The following SH3BP2 variants were observed in gnomAD, a reference collection of about 807,000 sequenced individuals.
The protein encoded by SH3BP2 is SH3 domain-binding protein 2.
Under a neutral mutation model 56.2 loss-of-function variants are expected in SH3BP2, and 38 were observed. That is an observed-to-expected ratio of 0.68 (90% CI 0.52 to 0.89). The LOEUF (loss-of-function observed/expected upper bound fraction) is 0.89, where lower values mean the gene tolerates loss of function less well. Ranked by LOEUF, SH3BP2 falls within the 40% of genes least tolerant of loss-of-function variation. The probability of loss-of-function intolerance (pLI) is 0.00; values close to 1 mark genes in which losing one functional copy is unlikely to be tolerated. For synonymous variants in SH3BP2, 346 were observed against 316.7 expected (o/e 1.09, Z -0.98); for missense variants, 748 against 762.6 (o/e 0.98, Z 0.23).
At chr4:2,818,139 G>A in intron 1 of SH3BP2, 1 of 834,444 alleles carries the variant, frequency 1.2e-6, no homozygotes, top group Non-Finnish European at 1.4e-6. Flanking sequence ...GGGGCCGGGA[G>A]GGGCGCGCCG....
rs62620003 is a variant in SH3BP2, at chr4:2,824,745, G to A, written c.357+15G>A. 20 of 1,573,392 alleles carry A rather than the reference G, an allele frequency of 1.3e-5. No homozygotes were observed. Among genetic ancestry groups the A allele is most frequent in the Non-Finnish European group, 1.7e-5 (19 of 1,143,824 alleles). ...AGGAGCGCAAGGTGACTGGGGGTCC[G>A]AGGACGAGTGCAAGGTGACTGGGGG... On this transcript the variant is annotated intron_variant, in intron 4 of 12. Transcript: ENST00000503393.
chr4:2,814,452 C>G (rs1004616077), intron 1 of SH3BP2, among the ~76,000 whole-genome samples: 18 of 152,274 alleles, frequency 1.2e-4, no homozygotes, highest in Admixed American at 3.3e-4. Context: ...GAAACAGAGA[C>G]CTGGAGAGTG....
chr4:2,801,684 C>T (rs1393108696), intron 1 of SH3BP2, among the ~76,000 whole-genome samples: 1 of 152,224 alleles, frequency 6.6e-6, no homozygotes, highest in Admixed American at 6.5e-5. Flanking sequence ...GACAGGAAAC[C>T]TCCTGAGGCC....
intron 1 of SH3BP2, among the ~76,000 whole-genome samples, chr4:2,796,889 GCTT>G (rs1723084234): frequency 6.6e-6 from 1 of 152,244 alleles, no homozygotes; most frequent in South Asian, 2.1e-4. Flanking sequence ...GCGGCACAGA[GCTT>G]CTCTCAGGCA....
intron 3 of SH3BP2, 55 bp downstream of exon 3, chr4:2,823,092 C>G (rs1231283021): frequency 4.7e-6 from 6 of 1,273,398 alleles, no homozygotes; most frequent in Admixed American, 1.8e-5. Context: ...CGGGTCCCTC[C>G]CAGCAGAGCC....
At chr4:2,817,132 G>A (rs1234160426) in intron 1 of SH3BP2, among the ~76,000 whole-genome samples, 1 of 152,264 alleles carries the variant, frequency 6.6e-6, no homozygotes, top group Non-Finnish European at 1.5e-5. Context: ...TGGCGTAAGA[G>A]CACAGAAGGT....
chr4:2,805,199 A>G (rs974743400), intron 1 of SH3BP2, among the ~76,000 whole-genome samples: 3 of 152,104 alleles, frequency 2.0e-5, no homozygotes, highest in Admixed American at 2.0e-4. Flanking sequence ...ACCTAAGCAC[A>G]CCCCCTGGGC....
intron 5 of SH3BP2, chr4:2,826,969 GTGTGTT>G: frequency 1.5e-6 from 1 of 646,608 alleles, no homozygotes; most frequent in Non-Finnish European, 2.9e-6. Flanking sequence ...GTGTGCATTT[GTGTGTT>G]TGTCAGAGTA....
At chr4:2,828,875 G>A (rs1623454) in intron 7 of SH3BP2, among the ~76,000 whole-genome samples, 71,026 of 151,960 alleles carry the variant, frequency 0.47, 16,957 homozygotes, top group Admixed American at 0.57. Flanking sequence ...CCGTGCTCCC[G>A]GGGTCCTCTT....
chr4:2,820,413 A>G (rs1577354711), intron 1 of SH3BP2, among the ~76,000 whole-genome samples: 1 of 152,100 alleles, frequency 6.6e-6, no homozygotes, highest in Non-Finnish European at 1.5e-5. Flanking sequence ...CCAGGGGCTG[A>G]CTGAGTGGAG....
intron 1 of SH3BP2, among the ~76,000 whole-genome samples, chr4:2,820,000 G>T (rs1724214117): frequency 6.6e-6 from 1 of 152,074 alleles, no homozygotes; most frequent in Non-Finnish European, 1.5e-5. Flanking sequence ...GGGCTGGTGG[G>T]GTGGATAGCA....
Position 2,831,483 on chromosome 4 carries a change from C to G in SH3BP2, c.1242-88C>G. ...TAGCAGGCAGCTTGCCGTCCTCACA[C>G]AGAGGGTGGAGTGGGGAGGGGAGCA... is the stretch of plus-strand genomic sequence containing the variant. On this transcript the variant is annotated intron_variant, in intron 8 of 12. Transcript: ENST00000503393. This position sits in a 1 kb window ranked among gnomAD's most constrained non-coding sequence, Gnocchi z 4.1. 2.0e-6 allele frequency: 2 copies of G among 991,722 alleles called. No homozygotes were observed. Among genetic ancestry groups the G allele is most frequent in the South Asian group, 2.8e-5 (2 of 72,660 alleles). 61.4% of individuals were successfully genotyped at this position (991,722 alleles called of 1,614,324 possible).
chr4:2,818,449 G>GCGGGGTCCA, intron 1 of SH3BP2: 1 of 975,600 alleles, frequency 1.0e-6, no homozygotes, highest in Non-Finnish European at 1.3e-6. Context: ...TTCCGGCTCT[G>GCGGGGTCCA]GACCCCGCAC....
Position 2,827,617 on chromosome 4 carries a change from G to C in SH3BP2, c.529G>C (p.Asp177His). ...YPTDNEDYEH[D>H]DEDDSYLEPD... ...CTCTCCCCATGCAGACTATGAGCAC[G>C]ACGATGAGGATGACTCCTACCTGGA... is the stretch of plus-strand genomic sequence containing the variant. Residue 177 changes from aspartate to histidine, a missense_variant, in exon 7 of 13, where the codon GAC becomes CAC. By Grantham distance (81) the Asp-to-His change is moderately conservative (BLOSUM62 -1). Around this residue, in one of 3 missense-constraint regions of SH3BP2, gnomAD observed 635 missense variants for 615.0 expected, o/e 1.03. Transcript: ENST00000503393. The C allele has an allele frequency of 1.3e-6, 2 of 1,596,958 alleles. No individual in the cohort carries two copies. Among genetic ancestry groups the C allele is most frequent in the Non-Finnish European group, 1.7e-6 (2 of 1,171,668 alleles).
chr4:2,818,270 C>T lies in SH3BP2; in HGVS notation c.-4-2344C>T, dbSNP rs868817457. The T allele has an allele frequency of 2.0e-5, 20 of 1,013,914 alleles. No individual in the cohort carries two copies. The African/African-American group carries it at 2.4e-4, about 12-fold the overall frequency. The allele number at this position is 1,013,914 out of a possible 1,614,324, so 62.8% of individuals were successfully genotyped here. ...CCGCGGAGCTGGGGCCGGCGGGAGG[C>T]GGGCGCCCGGGACGAGGCGGCGGCG... On this transcript the variant is annotated intron_variant, in intron 1 of 12. Coordinates refer to ENST00000503393, the MANE Select transcript of SH3BP2 (RefSeq NM_001122681.2).
chr4:2,810,347 G>A lies in SH3BP2; in HGVS notation c.-4-10267G>A, dbSNP rs1458129514. On this transcript the variant is annotated intron_variant, in intron 1 of 12. Coordinates refer to ENST00000503393, the MANE Select transcript of SH3BP2 (RefSeq NM_001122681.2). This position sits in a 1 kb window ranked among gnomAD's most constrained non-coding sequence, Gnocchi z 4.2. The stretch of plus-strand genomic sequence containing the variant: ...TGTAGCATCACAGCATTGGACCAGG[G>A]CTGTGGGGGGAATGGGCCTGGGCCA... 6.6e-6 allele frequency among the ~76,000 whole-genome samples: 1 copy of A among 151,554 alleles called. No individual in the cohort carries two copies. Among genetic ancestry groups the A allele is most frequent in the Non-Finnish European group, 1.5e-5 (1 of 67,896 alleles).
In SH3BP2 at chr4:2,827,655, G is replaced by A. The variant is rs1416781918; in HGVS notation, c.567G>A (p.Pro189=). 9.4e-6 allele frequency: 15 copies of A among 1,594,746 alleles called. No homozygotes were observed. The highest frequency in any genetic ancestry group is 6.8e-5 in the East Asian group (3 of 44,020). The change falls in exon 7 of 13, where the codon CCG becomes CCA. Residue 189 remains proline, a synonymous_variant. Coordinates refer to ENST00000503393, the MANE Select transcript of SH3BP2 (RefSeq NM_001122681.2). ...EDDSYLEPDS[P]EPGRLEDALM... is the part of the protein sequence containing the mutation. ...ACTCCTACCTGGAGCCTGACTCCCCGGAGCCCGGAAGGCTTGAGGGTAGGT... is the reference window on the plus strand; with the variant it reads ...ACTCCTACCTGGAGCCTGACTCCCCAGAGCCCGGAAGGCTTGAGGGTAGGT...
At chr4:2,828,559 G>A (rs968409126) in intron 7 of SH3BP2, among the ~76,000 whole-genome samples, 3 of 152,162 alleles carry the variant, frequency 2.0e-5, no homozygotes, top group Non-Finnish European at 4.4e-5. Context: ...CACCATGCCT[G>A]TCCCTTCGCC....
rs978335457 is a variant in SH3BP2 at position 2,810,505 on chromosome 4, C to G, written c.-4-10109C>G. On this transcript the variant is annotated intron_variant, in intron 1 of 12. Transcript: ENST00000503393. This position sits in a 1 kb window ranked among gnomAD's most constrained non-coding sequence, Gnocchi z 4.2. ...CCTTGTCCGCTCTTGCATTTGCCTG[C>G]CCAGTAAGGGGTGGCGTGTTCCTGA... 2.0e-5 allele frequency among the ~76,000 whole-genome samples: 3 copies of G among 151,826 alleles called. No individual in the cohort carries two copies. Among genetic ancestry groups the G allele is most frequent in the African/African-American group, 7.3e-5 (3 of 41,288 alleles).
Sources: gnomAD v4.1 joint callset for allele counts (sites outside exome capture counted in the v4.1 genomes callset) on GRCh38, gnomAD v4.1.1 for gene constraint, gnomAD v4.1.1 regional missense constraint, Gnocchi (gnomAD v3.1) non-coding constraint, MANE v1.5 for transcripts, NCBI Gene and HGNC (gene_info 2026-07-23, HGNC 2026-07-21) for gene names.